The following AAGAB variants were observed in gnomAD, a reference collection of about 807,000 sequenced individuals.
AAGAB encodes the protein alpha and gamma adaptin binding protein.
A neutral mutation model predicts 44.1 loss-of-function variants in AAGAB; 38 were observed. The observed-to-expected ratio is 0.86, with a 90% CI of 0.67 to 1.13. The LOEUF (loss-of-function observed/expected upper bound fraction) is 1.13, where lower values mean the gene tolerates loss of function less well. Ranked by LOEUF, AAGAB falls within the 50% of genes most tolerant of loss-of-function variation. The pLI, the probability that AAGAB is intolerant of heterozygous loss-of-function variation, is 0.00. For missense variants in AAGAB, 450 were observed against 373.8 expected, an observed-to-expected ratio of 1.20 and a Z score of -1.68; for synonymous variants, 131 against 131.8, an observed-to-expected ratio of 0.99 and a Z score of 0.04.
chr15:67,209,595 G>A (rs1963764701), intron 5 of AAGAB, 51 bp from the exon 6 acceptor site: 2 of 1,371,620 alleles, frequency 1.5e-6, no homozygotes, highest in Non-Finnish European at 2.1e-6. Context: ...ATTTTAAACT[G>A]TTCAAATGGC....
chr15:67,209,130 C>T lies in AAGAB; in HGVS notation c.618+332G>A, dbSNP rs140745485. 6.8e-4 allele frequency among the ~76,000 whole-genome samples: 103 copies of T among 152,268 alleles called. 1 individual carries two copies. The highest frequency in any genetic ancestry group is 2.5e-3 in the African/African-American group (102 of 41,552). ...AGCTCATTGAGGACAGGGACCTTGCCTCAGATTTGCCAAGGTCTTTTACAC... is the reference window on the plus strand; with the variant it reads ...AGCTCATTGAGGACAGGGACCTTGCTTCAGATTTGCCAAGGTCTTTTACAC... On this transcript the variant is annotated intron_variant, in intron 6 of 9. Coordinates refer to ENST00000261880, the MANE Select transcript of AAGAB (RefSeq NM_024666.5).
chr15:67,251,004 G>A (rs1398916567), intron 1 of AAGAB, among the ~76,000 whole-genome samples: 1 of 152,164 alleles, frequency 6.6e-6, no homozygotes. Flanking sequence ...TCCAGCCCAG[G>A]CAACAGAGTG....
chr15:67,251,098 A>G (rs1467006239), intron 1 of AAGAB, among the ~76,000 whole-genome samples: 2 of 152,246 alleles, frequency 1.3e-5, no homozygotes, highest in Non-Finnish European at 2.9e-5. Context: ...CCGATGTCAG[A>G]CATCCACCCA....
intron 5 of AAGAB, among the ~76,000 whole-genome samples, chr15:67,214,928 C>T (rs1014090967): frequency 2.6e-5 from 4 of 151,528 alleles, no homozygotes; most frequent in African/African-American, 7.3e-5. Context: ...GTGTGAGCCA[C>T]GGCACCCGGC....
intron 1 of AAGAB, among the ~76,000 whole-genome samples, chr15:67,249,367 T>C (rs184706121): frequency 6.6e-6 from 1 of 152,260 alleles, no homozygotes; most frequent in Non-Finnish European, 1.5e-5. Flanking sequence ...AGAAGAGATG[T>C]TAGAAATGAT....
At chr15:67,203,973 A>C in intron 8 of AAGAB, 71 bp downstream of exon 8, 1 of 955,194 alleles carries the variant, frequency 1.0e-6, no homozygotes, top group Non-Finnish European at 1.6e-6. Flanking sequence ...CAGTTAACAA[A>C]ATAAAATGCT....
chr15:67,254,055 G>T (rs1184911619), intron 1 of AAGAB, among the ~76,000 whole-genome samples: 1 of 152,208 alleles, frequency 6.6e-6, no homozygotes, highest in African/African-American at 2.4e-5. Flanking sequence ...GATGAAAGGC[G>T]TGAATAACTA....
At chr15:67,251,914 T>C (rs1567035199) in intron 1 of AAGAB, among the ~76,000 whole-genome samples, 1 of 152,234 alleles carries the variant, frequency 6.6e-6, no homozygotes, top group Non-Finnish European at 1.5e-5. Context: ...ATTCACAACC[T>C]TGGAAGAAAT....
At chr15:67,218,574 C>T (rs1301530747) in intron 5 of AAGAB, among the ~76,000 whole-genome samples, 1 of 152,164 alleles carries the variant, frequency 6.6e-6, no homozygotes, top group African/African-American at 2.4e-5. Flanking sequence ...AGTATGATGC[C>T]TAGATCATCT....
chr15:67,202,551 T>C lies in AAGAB; in HGVS notation c.*270A>G. On this transcript the variant is annotated 3_prime_UTR_variant, in exon 10 of 10. Transcript: ENST00000261880. ...AAATCACACAGACCTCTGAGATTTA[T>C]CCTACCCTCATTCCTAGAACAAAAA... The C allele has an allele frequency of 4.7e-6, 2 of 422,086 alleles. No homozygotes were observed. The highest frequency in any genetic ancestry group is 4.3e-6 in the Non-Finnish European group (1 of 233,904). 26.1% of individuals were successfully genotyped at this position (422,086 alleles called of 1,614,324 possible).
intron 5 of AAGAB, among the ~76,000 whole-genome samples, chr15:67,210,030 A>G (rs1963778065): frequency 6.6e-6 from 1 of 152,134 alleles, no homozygotes; most frequent in African/African-American, 2.4e-5. Flanking sequence ...GGTGGAAAAT[A>G]ATAGCAGGGC....
intron 1 of AAGAB, among the ~76,000 whole-genome samples, chr15:67,244,395 C>T (rs1034586939): frequency 6.6e-6 from 1 of 151,908 alleles, no homozygotes; most frequent in South Asian, 2.1e-4. Context: ...AAAACAAAAC[C>T]CAAGCCACAG....
At chr15:67,228,623 A>C (rs1038710219) in intron 5 of AAGAB, among the ~76,000 whole-genome samples, 2 of 152,222 alleles carry the variant, frequency 1.3e-5, no homozygotes, top group Non-Finnish European at 2.9e-5. Context: ...CCCATTACTC[A>C]GTATACACCC....
At chr15:67,220,746 A>C (rs1188417752) in intron 5 of AAGAB, among the ~76,000 whole-genome samples, 2 of 152,230 alleles carry the variant, frequency 1.3e-5, no homozygotes, top group East Asian at 3.8e-4. Context: ...TGGGAAGAAA[A>C]ACATGATTGC....
At chr15:67,239,906 A>T (rs1275711569) in intron 1 of AAGAB, among the ~76,000 whole-genome samples, 5 of 152,238 alleles carry the variant, frequency 3.3e-5, no homozygotes, top group Non-Finnish European at 1.5e-5. Flanking sequence ...AGCAGCTAAT[A>T]TAATTCACTC....
At chr15:67,212,213 A>C (rs1211198760) in intron 5 of AAGAB, among the ~76,000 whole-genome samples, 1 of 152,178 alleles carries the variant, frequency 6.6e-6, no homozygotes, top group Admixed American at 6.5e-5. Flanking sequence ...GGCTGCCTGC[A>C]AAGAGAACTG....
At chr15:67,242,146 G>A (rs1189763163) in intron 1 of AAGAB, among the ~76,000 whole-genome samples, 4 of 94,700 alleles carry the variant, frequency 4.2e-5, no homozygotes, top group African/African-American at 9.0e-5. Context: ...TATCGGGGCC[G>A]GGCGCGGTGG....
intron 5 of AAGAB, among the ~76,000 whole-genome samples, chr15:67,211,522 T>C (rs1224749030): frequency 6.6e-6 from 1 of 152,230 alleles, no homozygotes; most frequent in Non-Finnish European, 1.5e-5. Context: ...GGCCAATGTG[T>C]TATTGATTTT....
At chr15:67,254,773 C>A (rs1184891449), upstream of AAGAB, 1 of 1,329,912 alleles carries the variant, frequency 7.5e-7, no homozygotes, top group Non-Finnish European at 1.1e-6. Context: ...AGACCCCCTT[C>A]CGCTCCCAGC....
Sources: allele counts gnomAD v4.1 joint callset (sites outside exome capture counted in the v4.1 genomes callset), GRCh38; gene constraint gnomAD v4.1.1; transcripts MANE v1.5; gene names NCBI Gene and HGNC (gene_info 2026-07-23, HGNC 2026-07-21).